HECW1: variants seen among roughly 807,000 people sequenced by gnomAD.
HECW1 encodes HECT, C2 and WW domain containing E3 ubiquitin protein ligase 1, also known as E3 ubiquitin-protein ligase HECW1.
A neutral mutation model predicts 182.3 loss-of-function variants in HECW1; 61 were observed. That is an observed-to-expected ratio of 0.33 (90% CI 0.27 to 0.41). The LOEUF is 0.41. HECW1 is among the 10% of genes least tolerant of loss of function. The pLI is 1.00. For missense variants in HECW1, 1,739 were observed against 2,108.9 expected (o/e 0.82, Z 3.44); for synonymous variants, 859 against 832.6 (o/e 1.03, Z -0.55).
intron 6 of HECW1, among the ~76,000 whole-genome samples, chr7:43,386,812 G>A (rs895620396): frequency 4.6e-5 from 7 of 152,124 alleles, no homozygotes; most frequent in Non-Finnish European, 4.4e-5. Context: ...GAAGCTAACA[G>A]AAGCTCACCG....
At chr7:43,532,318 A>G (rs531729641) in intron 24 of HECW1, among the ~76,000 whole-genome samples, 45 of 152,236 alleles carry the variant, frequency 3.0e-4, no homozygotes, top group African/African-American at 1.1e-3. Context: ...ATCTGGATGC[A>G]GAAGCCTCCA....
At chr7:43,406,751 C>G (rs2152844374) in intron 7 of HECW1, among the ~76,000 whole-genome samples, 1 of 152,150 alleles carries the variant, frequency 6.6e-6, no homozygotes, top group East Asian at 1.9e-4. Context: ...AAATCTGTCT[C>G]TACTAAAAAT....
intron 11 of HECW1, among the ~76,000 whole-genome samples, chr7:43,449,307 G>A (rs948690182): frequency 7.9e-5 from 12 of 152,172 alleles, no homozygotes; most frequent in Admixed American, 7.2e-4. Context: ...ACTGGGTGCC[G>A]GCATGAGGGG....
intron 6 of HECW1, among the ~76,000 whole-genome samples, chr7:43,364,562 A>G (rs990306994): frequency 1.6e-4 from 25 of 152,322 alleles, no homozygotes; most frequent in African/African-American, 5.8e-4. Flanking sequence ...CTGGCTGCGG[A>G]GGAGGGGGCG....
At chr7:43,227,339 A>G (rs1273979491) in intron 2 of HECW1, among the ~76,000 whole-genome samples, 2 of 152,192 alleles carry the variant, frequency 1.3e-5, no homozygotes, top group Non-Finnish European at 2.9e-5. Context: ...GAAAATATCT[A>G]GTTATTTGAA....
Position 43,507,998 on chromosome 7 carries a change from C to A in HECW1, c.3753-20C>A. ...ATCCTGACTTCAGGGCCACTGCTCA[C>A]CACCCCTTCTCCTTCTCAGGCTCAT... On this transcript the variant is annotated intron_variant, in intron 22 of 29. Coordinates refer to ENST00000395891, the MANE Select transcript of HECW1 (RefSeq NM_015052.5). The A allele has an allele frequency of 1.3e-6, 2 of 1,582,296 alleles. No homozygotes were observed. Among genetic ancestry groups the A allele is most frequent in the Non-Finnish European group, 1.7e-6 (2 of 1,151,214 alleles).
chr7:43,328,974 G>A (rs1280394687), intron 5 of HECW1, among the ~76,000 whole-genome samples: 1 of 152,126 alleles, frequency 6.6e-6, no homozygotes, highest in Non-Finnish European at 1.5e-5. Context: ...GGTCTCCAGG[G>A]GCTCAGATCT....
At chr7:43,156,955 G>A (rs923932260) in intron 2 of HECW1, among the ~76,000 whole-genome samples, 4 of 152,170 alleles carry the variant, frequency 2.6e-5, no homozygotes, top group African/African-American at 9.7e-5. Flanking sequence ...AGAAAAGAAA[G>A]TTTTATCAGA....
At chr7:43,313,400 C>T (rs1420442139) in intron 4 of HECW1, among the ~76,000 whole-genome samples, 2 of 146,998 alleles carry the variant, frequency 1.4e-5, no homozygotes, top group East Asian at 2.0e-4. Context: ...TTCAGTGGTG[C>T]GATCTCAGCT....
chr7:43,221,611 T>A (rs1796980062), intron 2 of HECW1, among the ~76,000 whole-genome samples: 1 of 127,544 alleles, frequency 7.8e-6, no homozygotes, highest in African/African-American at 3.0e-5. Flanking sequence ...TGGAGTGCAG[T>A]GGCGCTATCT....
intron 2 of HECW1, among the ~76,000 whole-genome samples, chr7:43,199,569 C>T (rs1159795585): frequency 6.6e-6 from 1 of 152,110 alleles, no homozygotes; most frequent in African/African-American, 2.4e-5. Context: ...TGTCATATGT[C>T]CTGTCAACAA....
At chr7:43,343,913 C>T (rs912073273) in intron 5 of HECW1, among the ~76,000 whole-genome samples, 2 of 151,956 alleles carry the variant, frequency 1.3e-5, no homozygotes, top group Admixed American at 1.3e-4. Context: ...TCCTCTCCAG[C>T]ATCTGTTGTT....
chr7:43,180,525 A>G (rs2152675516), intron 2 of HECW1, among the ~76,000 whole-genome samples: 1 of 152,150 alleles, frequency 6.6e-6, no homozygotes, highest in African/African-American at 2.4e-5. Flanking sequence ...CCTCCTGAGT[A>G]GCTGGGACTA....
At chr7:43,362,131 C>CAAAAAAAAAAA (rs34879817) in intron 6 of HECW1, among the ~76,000 whole-genome samples, 1 of 87,850 alleles carries the variant, frequency 1.1e-5, no homozygotes, top group East Asian at 3.6e-4. Flanking sequence ...AACTCCGTCT[C>CAAAAAAAAAAA]AAAAAAAAAA....
At chr7:43,227,211 C>G (rs1051934435) in intron 2 of HECW1, among the ~76,000 whole-genome samples, 9 of 152,106 alleles carry the variant, frequency 5.9e-5, no homozygotes, top group African/African-American at 2.2e-4. Context: ...TAACATTGAT[C>G]TTGAAATTCA....
chr7:43,309,114 C>A (rs1808165890), intron 3 of HECW1, among the ~76,000 whole-genome samples: 1 of 152,114 alleles, frequency 6.6e-6, no homozygotes, highest in Non-Finnish European at 1.5e-5. Flanking sequence ...AGCAACAGTA[C>A]CTAAGAATCC....
At chr7:43,357,980 T>G (rs1418608871) in intron 5 of HECW1, among the ~76,000 whole-genome samples, 1 of 152,192 alleles carries the variant, frequency 6.6e-6, no homozygotes, top group African/African-American at 2.4e-5. Flanking sequence ...TATGCACTGA[T>G]CTTTTCATCT....
Position 43,466,527 on chromosome 7 carries a change from A to G in HECW1, c.2872A>G (p.Ile958Val). The G allele has an allele frequency of 3.1e-6, 5 of 1,613,910 alleles. No homozygotes were observed. Among genetic ancestry groups the G allele is most frequent in the Non-Finnish European group, 4.2e-6 (5 of 1,179,892 alleles). Residue 958 changes from isoleucine (I) to valine (V), a missense_variant, in exon 15 of 30, where the codon ATC becomes GTC. This residue lies in a region of HECW1 where 971 missense variants were observed against 1,029.1 expected (regional missense o/e 0.94). Transcript: ENST00000395891. ...LLLQSPAVKFITNPEFFTVLH... is the reference protein window; with the variant it reads ...LLLQSPAVKFVTNPEFFTVLH... ...GCTGCAGTCCCCAGCGGTCAAGTTC[A>G]TCACCAACCCCGAGTTCTTCACTGT... is the stretch of plus-strand genomic sequence containing the variant.
At chr7:43,263,614 C>G (rs1801426693) in intron 3 of HECW1, among the ~76,000 whole-genome samples, 1 of 152,188 alleles carries the variant, frequency 6.6e-6, no homozygotes, top group Non-Finnish European at 1.5e-5. Flanking sequence ...CCGCCTCAGC[C>G]TCCCAAAGTG....
Sources: gnomAD v4.1 joint callset for allele counts (sites outside exome capture counted in the v4.1 genomes callset) on GRCh38, gnomAD v4.1.1 for gene constraint, gnomAD v4.1.1 regional missense constraint, MANE v1.5 for transcripts, NCBI Gene and HGNC (gene_info 2026-07-23, HGNC 2026-07-21) for gene names.